AGBL4: variants seen among roughly 807,000 people sequenced by gnomAD.
AGBL4 encodes the protein AGBL carboxypeptidase 4.
AGBL4 carries 58 observed loss-of-function variants against 66.4 expected under a neutral mutation model. The observed-to-expected ratio is 0.87, with a 90% CI of 0.71 to 1.09. The LOEUF (loss-of-function observed/expected upper bound fraction) is 1.09. Ranked by LOEUF, AGBL4 falls within the 50% of genes least tolerant of loss-of-function variation. The pLI is 0.00. For missense variants in AGBL4, 579 were observed against 631.0 expected (o/e 0.92, Z 0.88); for synonymous variants, 234 against 222.9 (o/e 1.05, Z -0.44).
chr1:48,724,356 A>G (rs955456257), intron 6 of AGBL4, among the ~76,000 whole-genome samples: 1 of 152,192 alleles, frequency 6.6e-6, no homozygotes, highest in Non-Finnish European at 1.5e-5. Flanking sequence ...TCTGCCTCCT[A>G]ACTCTAGCTC....
At chr1:49,169,999 G>C (rs981331126) in intron 4 of AGBL4, among the ~76,000 whole-genome samples, 8 of 151,866 alleles carry the variant, frequency 5.3e-5, no homozygotes, top group Non-Finnish European at 7.4e-5. Flanking sequence ...GAGCAGGAGG[G>C]GAGTGAGGGA....
intron 3 of AGBL4, among the ~76,000 whole-genome samples, chr1:49,574,327 C>T (rs546325146): frequency 2.0e-5 from 3 of 152,048 alleles, no homozygotes; most frequent in Admixed American, 6.6e-5. Context: ...TTGCAGCTCA[C>T]GGAGTTAAAA....
intron 5 of AGBL4, among the ~76,000 whole-genome samples, chr1:48,927,934 G>A (rs1229395856): frequency 2.0e-5 from 3 of 152,156 alleles, no homozygotes; most frequent in Non-Finnish European, 2.9e-5. Flanking sequence ...TCACAATGTG[G>A]TTCCACAGTT....
At chr1:49,212,166 A>C (rs1243197230) in intron 4 of AGBL4, among the ~76,000 whole-genome samples, 1 of 152,120 alleles carries the variant, frequency 6.6e-6, no homozygotes, top group African/African-American at 2.4e-5. Flanking sequence ...TGAGTCACAG[A>C]TACAAACCAG....
chr1:49,668,740 T>C (rs1433578851), intron 3 of AGBL4, among the ~76,000 whole-genome samples: 1 of 152,172 alleles, frequency 6.6e-6, no homozygotes, highest in African/African-American at 2.4e-5. Context: ...AGCACAGTTA[T>C]CAGTCCCTGT....
intron 2 of AGBL4, among the ~76,000 whole-genome samples, chr1:49,751,208 T>C (rs1292786287): frequency 6.6e-6 from 1 of 152,204 alleles, no homozygotes; most frequent in Non-Finnish European, 1.5e-5. Flanking sequence ...AGTATGATAT[T>C]GGCTGTGGGT....
intron 2 of AGBL4, among the ~76,000 whole-genome samples, chr1:49,825,655 T>A (rs1645489800): frequency 6.6e-6 from 1 of 152,152 alleles, no homozygotes; most frequent in Admixed American, 6.5e-5. Context: ...TGGGTAGACC[T>A]CATCCAATCA....
intron 3 of AGBL4, among the ~76,000 whole-genome samples, chr1:49,536,386 G>A (rs1651588990): frequency 6.6e-6 from 1 of 152,124 alleles, no homozygotes; most frequent in Admixed American, 6.5e-5. Flanking sequence ...TCATGTGCAT[G>A]TGTGTGTTGG....
intron 3 of AGBL4, among the ~76,000 whole-genome samples, chr1:49,409,627 G>A (rs746930545): frequency 6.6e-6 from 1 of 152,044 alleles, no homozygotes; most frequent in Non-Finnish European, 1.5e-5. Context: ...TTACTCTGGC[G>A]CTGACTATCT....
intron 3 of AGBL4, among the ~76,000 whole-genome samples, chr1:49,428,555 C>T (rs2148653529): frequency 6.6e-6 from 1 of 152,322 alleles, no homozygotes; most frequent in African/African-American, 2.4e-5. Flanking sequence ...CTCAGTGACT[C>T]TCCTGCCTGG....
chr1:49,831,226 C>A (rs1645665604), intron 2 of AGBL4, among the ~76,000 whole-genome samples: 1 of 152,154 alleles, frequency 6.6e-6, no homozygotes, highest in Non-Finnish European at 1.5e-5. Context: ...AATACTGATT[C>A]TTCCTATCCA....
chr1:49,965,889 AAAAAAT>A (rs1657512839), intron 1 of AGBL4, among the ~76,000 whole-genome samples: 2 of 152,258 alleles, frequency 1.3e-5, no homozygotes, highest in South Asian at 4.1e-4. Flanking sequence ...TTGGAAAGCA[AAAAAAT>A]AATAATAATA....
intron 5 of AGBL4, among the ~76,000 whole-genome samples, chr1:48,882,258 G>A (rs918127673): frequency 6.6e-6 from 1 of 152,196 alleles, no homozygotes; most frequent in African/African-American, 2.4e-5. Context: ...ACTCCCCTGT[G>A]AGTCAAAGTT....
intron 6 of AGBL4, among the ~76,000 whole-genome samples, chr1:48,693,371 A>G (rs1160850882): frequency 5.3e-5 from 8 of 152,212 alleles, no homozygotes; most frequent in Admixed American, 4.6e-4. Context: ...CAGTTGCTTA[A>G]CACGGTGGTG....
rs1420847895 is a variant in AGBL4 at position 49,736,439 on chromosome 1, T to C, written c.158-39002A>G. Among the ~76,000 whole-genome samples, 4 of 151,978 alleles carry C rather than the reference T, an allele frequency of 2.6e-5. No homozygotes were observed. In the East Asian group the frequency reaches 7.7e-4, roughly 29 times the overall value. On this transcript the variant is annotated intron_variant, in intron 2 of 13. Coordinates refer to ENST00000371839, the MANE Select transcript of AGBL4 (RefSeq NM_032785.4). ...TTATAAATCAATAACAAAAGAAATT[T>C]CAGAAAATTCAAAAATCCATGGAAA...
intron 4 of AGBL4, among the ~76,000 whole-genome samples, chr1:49,111,236 C>T (rs1424290423): frequency 4.6e-5 from 7 of 152,022 alleles, no homozygotes; most frequent in Non-Finnish European, 7.4e-5. Context: ...GCTTCAGCCT[C>T]CCAATAGCTG....
intron 6 of AGBL4, among the ~76,000 whole-genome samples, chr1:48,826,923 T>C (rs2148777678): frequency 6.6e-6 from 1 of 152,228 alleles, no homozygotes; most frequent in South Asian, 2.1e-4. Flanking sequence ...CATGGGACTA[T>C]TCACCAGTCC....
chr1:49,434,831 C>T (rs987528887), intron 3 of AGBL4, among the ~76,000 whole-genome samples: 2 of 151,890 alleles, frequency 1.3e-5, no homozygotes, highest in African/African-American at 4.8e-5. Flanking sequence ...GTCCCAAGAA[C>T]AAAATGAGGC....
At chr1:49,896,114 C>A (rs1297817760) in intron 1 of AGBL4, among the ~76,000 whole-genome samples, 1 of 151,908 alleles carries the variant, frequency 6.6e-6, no homozygotes, top group African/African-American at 2.4e-5. Context: ...GATCTCAAGA[C>A]AAAAGCTGTA....
Sources: allele counts gnomAD v4.1 joint callset (sites outside exome capture counted in the v4.1 genomes callset), GRCh38; gene constraint gnomAD v4.1.1; transcripts MANE v1.5; gene names NCBI Gene and HGNC (gene_info 2026-07-23, HGNC 2026-07-21).